NECAB1: variants seen among roughly 807,000 people sequenced by gnomAD.
NECAB1 encodes the protein N-terminal EF-hand calcium binding protein 1.
NECAB1 carries 29 observed loss-of-function variants against 57.5 expected under a neutral mutation model. The observed-to-expected ratio is 0.50, with a 90% CI of 0.38 to 0.69. The LOEUF (loss-of-function observed/expected upper bound fraction) is 0.69, where lower values mean the gene tolerates loss of function less well. NECAB1 is among the 30% of genes least tolerant of loss of function. NECAB1 has a pLI of 0.00. For synonymous variants in NECAB1, 142 were observed against 147.7 expected (o/e 0.96, Z 0.28); for missense variants, 372 against 413.8 (o/e 0.90, Z 0.88).
At chr8:90,830,279 A>G (rs925163983) in intron 3 of NECAB1, among the ~76,000 whole-genome samples, 4 of 152,070 alleles carry the variant, frequency 2.6e-5, no homozygotes. Context: ...ACCATCTTCA[A>G]CTAAGCTGAA....
At position 90,872,153 on chromosome 8, in the gene NECAB1, G is replaced by C. The variant is rs571950129; in HGVS notation, c.259G>C (p.Glu87Gln). 1 of 1,546,586 alleles carries C rather than the reference G, an allele frequency of 6.5e-7. No homozygotes were observed. The highest frequency in any genetic ancestry group is 2.0e-5 in the Admixed American group (1 of 50,280). Residue 87 changes from glutamate to glutamine, a missense_variant and splice_region_variant, in exon 4 of 13, where the codon GAA becomes CAA. Transcript: ENST00000417640. ...TNNLDTEELC[E>Q]YFSQHLGEYE... The stretch of plus-strand genomic sequence containing the variant: ...TAATCTTGACACAGAAGAGCTATGT[G>C]GTAAGTGTTTCTTTAAGATCAGTCA...
chr8:90,801,770 C>G, intron 2 of NECAB1, 55 bp downstream of exon 2: 1 of 1,145,090 alleles, frequency 8.7e-7, no homozygotes, highest in African/African-American at 1.6e-5. Context: ...TTTATATTAC[C>G]TTATAAATAA....
chr8:90,888,502 A>G (rs1359793132), intron 5 of NECAB1, among the ~76,000 whole-genome samples: 1 of 152,186 alleles, frequency 6.6e-6, no homozygotes, highest in African/African-American at 2.4e-5. Context: ...GGAAAAGTGC[A>G]GAGGGAGAGA....
intron 2 of NECAB1, among the ~76,000 whole-genome samples, chr8:90,815,440 A>G (rs911059333): frequency 2.0e-5 from 3 of 152,040 alleles, no homozygotes; most frequent in Admixed American, 6.6e-5. Flanking sequence ...TTCTTTGCAC[A>G]GTAAATTTCT....
chr8:90,835,000 T>A (rs537361315), intron 3 of NECAB1, among the ~76,000 whole-genome samples: 1,835 of 148,622 alleles, frequency 0.012, 14 homozygotes, highest in Admixed American at 0.02. Flanking sequence ...TTTTTTTTTT[T>A]AAAAAAGAGC....
intron 1 of NECAB1, among the ~76,000 whole-genome samples, chr8:90,801,137 G>A (rs972420754): frequency 1.3e-5 from 2 of 152,108 alleles, no homozygotes; most frequent in Non-Finnish European, 2.9e-5. Flanking sequence ...ACATTAATGT[G>A]CACATATGTA....
intron 5 of NECAB1, among the ~76,000 whole-genome samples, chr8:90,889,354 T>G (rs1274987676): frequency 2.0e-5 from 3 of 152,196 alleles, no homozygotes; most frequent in Non-Finnish European, 4.4e-5. Context: ...TGGATAGCGA[T>G]CTTAAGTTGA....
intron 5 of NECAB1, among the ~76,000 whole-genome samples, chr8:90,912,032 C>T (rs192686200): frequency 5.6e-4 from 85 of 152,210 alleles, no homozygotes; most frequent in African/African-American, 1.2e-4. Context: ...AAACACAGAA[C>T]GTAAGTGTGA....
chr8:90,896,323 G>A (rs1255414220), intron 5 of NECAB1, among the ~76,000 whole-genome samples: 2 of 152,196 alleles, frequency 1.3e-5, no homozygotes, highest in African/African-American at 2.4e-5. Flanking sequence ...TTAATATGTC[G>A]GCCGGGCGAG....
chr8:90,928,515 A>T (rs377394537), intron 8 of NECAB1, among the ~76,000 whole-genome samples: 1 of 152,158 alleles, frequency 6.6e-6, no homozygotes, highest in East Asian at 1.9e-4. Flanking sequence ...CCCACTCCCA[A>T]TTATATTTAA....
chr8:90,958,888 CAAAT>C lies in NECAB1; in HGVS notation c.*3378_*3381del, dbSNP rs1811081490. The C allele has an allele frequency of 1.6e-6, 1 of 617,986 alleles. No homozygotes were observed. The highest frequency in any genetic ancestry group is 2.0e-5 in the African/African-American group (1 of 50,430). The allele number at this position is 617,986 out of a possible 1,614,324, so 38.3% of individuals were successfully genotyped here. A position where few individuals can be genotyped will look rare whatever the true frequency, so the allele number is the denominator to read the frequency against. On this transcript the variant is annotated 3_prime_UTR_variant, in exon 13 of 13. Transcript: ENST00000417640. ...AGCTCTTTCTCATTTTTAGAGAAGT[CAAAT>C]AGCCAACCATCAAAATTAAGAATAA...
intron 5 of NECAB1, among the ~76,000 whole-genome samples, chr8:90,902,619 G>A (rs1413381651): frequency 3.9e-5 from 6 of 151,936 alleles, no homozygotes; most frequent in African/African-American, 1.5e-4. Context: ...TTTATCAATA[G>A]TTAAATAAAT....
intron 2 of NECAB1, among the ~76,000 whole-genome samples, chr8:90,807,992 A>G (rs1265799709): frequency 6.6e-6 from 1 of 150,750 alleles, no homozygotes; most frequent in Non-Finnish European, 1.5e-5. Flanking sequence ...ATAAAGAAAA[A>G]TAAATTTTCT....
Position 90,804,033 on chromosome 8 carries a change from T to G in NECAB1, c.124+2318T>G, listed in dbSNP as rs1310316920. 2.2e-4 allele frequency among the ~76,000 whole-genome samples: 33 copies of G among 152,210 alleles called. 1 individual carries two copies. The highest frequency in any genetic ancestry group is 2.2e-3 in the Admixed American group (33 of 15,288). The stretch of plus-strand genomic sequence containing the variant: ...TTATTGTCCTTAAGGTGGAGACTGC[T>G]TGTTGGCTGGAGATTGTATTTCTCT... On this transcript the variant is annotated intron_variant, in intron 2 of 12. Transcript: ENST00000417640.
intron 7 of NECAB1, among the ~76,000 whole-genome samples, chr8:90,927,843 G>T (rs1810312915): frequency 6.8e-6 from 1 of 147,380 alleles, no homozygotes; most frequent in South Asian, 2.1e-4. Context: ...CCTTGCTATG[G>T]TCAGGGGTAT....
At chr8:90,843,090 A>G (rs1812483271) in intron 3 of NECAB1, among the ~76,000 whole-genome samples, 1 of 152,170 alleles carries the variant, frequency 6.6e-6, no homozygotes, top group South Asian at 2.1e-4. Flanking sequence ...CACATCCTAC[A>G]TGGCAGCAGG....
At chr8:90,840,936 G>C (rs1262553846) in intron 3 of NECAB1, among the ~76,000 whole-genome samples, 2 of 141,986 alleles carry the variant, frequency 1.4e-5, no homozygotes, top group African/African-American at 5.3e-5. Context: ...CAAAATGGTA[G>C]TGGTAAATCT....
chr8:90,908,078 C>A (rs995111862), intron 5 of NECAB1, among the ~76,000 whole-genome samples: 3 of 152,126 alleles, frequency 2.0e-5, no homozygotes, highest in African/African-American at 4.8e-5. Context: ...TTGTGTCTGA[C>A]AAATTTAGTA....
intron 5 of NECAB1, among the ~76,000 whole-genome samples, chr8:90,899,788 T>C (rs1809454305): frequency 6.6e-6 from 1 of 152,222 alleles, no homozygotes; most frequent in South Asian, 2.1e-4. Context: ...AAACTCATAA[T>C]TCAGGTGGGT....
Sources: allele counts gnomAD v4.1 joint callset (sites outside exome capture counted in the v4.1 genomes callset), GRCh38; gene constraint gnomAD v4.1.1; transcripts MANE v1.5; gene names NCBI Gene and HGNC (gene_info 2026-07-23, HGNC 2026-07-21).